Variants in CCSER1 observed in about 807,000 individuals in gnomAD.
CCSER1 encodes coiled-coil serine rich protein 1.
Under a neutral mutation model 82.0 loss-of-function variants are expected in CCSER1, and 41 were observed. That is an observed-to-expected ratio of 0.50 (90% confidence interval 0.39 to 0.65). The LOEUF is 0.65. Among genes scored for constraint, CCSER1 ranks in the 30% least tolerant of loss-of-function variants. The probability of loss-of-function intolerance (pLI) is 0.00; values close to 1 mark genes in which losing one functional copy is unlikely to be tolerated. For synonymous variants in CCSER1, 414 were observed against 383.9 expected, an observed-to-expected ratio of 1.08 and a Z score of -0.92; for missense variants, 1,119 against 1,064.2, an observed-to-expected ratio of 1.05 and a Z score of -0.72.
At position 91,603,041 on chromosome 4, in the gene CCSER1, T is replaced by C. The variant is rs1222390150; in HGVS notation, c.*3984T>C. On this transcript the variant is annotated 3_prime_UTR_variant, in exon 11 of 11. Coordinates refer to ENST00000509176, the MANE Select transcript of CCSER1 (RefSeq NM_001145065.2). ...AGCTTTTTAAAACATGTCTTGTTTCTTTCTCATGTGGTAAATTTATCATGA... is the reference window on the plus strand; with the variant it reads ...AGCTTTTTAAAACATGTCTTGTTTCCTTCTCATGTGGTAAATTTATCATGA... Among the ~76,000 whole-genome samples, 1 of 152,094 alleles carries C rather than the reference T, an allele frequency of 6.6e-6. No individual in the cohort carries two copies. The highest frequency in any genetic ancestry group is 1.5e-5 in the Non-Finnish European group (1 of 67,958).
chr4:91,535,336 A>G (rs573057929), intron 10 of CCSER1, among the ~76,000 whole-genome samples: 1 of 152,160 alleles, frequency 6.6e-6, no homozygotes, highest in South Asian at 2.1e-4. Flanking sequence ...TAATATTTTG[A>G]GAGTTTCCTA....
At chr4:91,003,501 G>T (rs140102607) in intron 9 of CCSER1, among the ~76,000 whole-genome samples, 137 of 152,180 alleles carry the variant, frequency 9.0e-4, no homozygotes, top group Admixed American at 2.1e-3. Flanking sequence ...TCAGGGAAGT[G>T]GGGGAAAGCC....
At chr4:90,320,865 C>T (rs1356372649) in intron 3 of CCSER1, among the ~76,000 whole-genome samples, 2 of 152,124 alleles carry the variant, frequency 1.3e-5, no homozygotes, top group African/African-American at 4.8e-5. Context: ...ATTTAAAGAT[C>T]GGTTTGAGTA....
intron 9 of CCSER1, among the ~76,000 whole-genome samples, chr4:91,001,839 T>C (rs146941044): frequency 2.0e-3 from 305 of 152,308 alleles, no homozygotes; most frequent in Middle Eastern, 6.8e-3. Flanking sequence ...ATTGTATTTT[T>C]GTTTTATAGG....
At chr4:91,177,705 C>T (rs1733548168) in intron 10 of CCSER1, among the ~76,000 whole-genome samples, 1 of 152,214 alleles carries the variant, frequency 6.6e-6, no homozygotes, top group Middle Eastern at 3.4e-3. Flanking sequence ...TGATTCTTCT[C>T]TCTTTTCTTC....
intron 5 of CCSER1, among the ~76,000 whole-genome samples, chr4:90,565,590 A>G (rs1338498854): frequency 6.6e-6 from 1 of 152,170 alleles, no homozygotes. Context: ...CCTTGTTCTA[A>G]TGTCAGTGGA....
At chr4:90,759,641 T>A (rs1181725435) in intron 7 of CCSER1, among the ~76,000 whole-genome samples, 1 of 152,150 alleles carries the variant, frequency 6.6e-6, no homozygotes, top group Non-Finnish European at 1.5e-5. Flanking sequence ...CCCAATCAGC[T>A]CTTGTAAGCT....
chr4:91,307,262 A>T (rs1052664129), intron 10 of CCSER1, among the ~76,000 whole-genome samples: 4 of 151,942 alleles, frequency 2.6e-5, no homozygotes, highest in Non-Finnish European at 4.4e-5. Flanking sequence ...TTATGAAACA[A>T]TAAAAAAAAG....
At chr4:90,617,890 T>A (rs890545887) in intron 5 of CCSER1, among the ~76,000 whole-genome samples, 2 of 152,168 alleles carry the variant, frequency 1.3e-5, no homozygotes, top group African/African-American at 4.8e-5. Context: ...AGTTCTATTG[T>A]ATATAATTAT....
At chr4:90,277,214 A>G (rs555002956) in intron 1 of CCSER1, among the ~76,000 whole-genome samples, 2 of 152,276 alleles carry the variant, frequency 1.3e-5, no homozygotes, top group African/African-American at 4.8e-5. Context: ...GAGAATTAAT[A>G]TAGTTAAAAT....
chr4:90,442,779 AAAC>A (rs1487589956), intron 4 of CCSER1, among the ~76,000 whole-genome samples: 1 of 152,214 alleles, frequency 6.6e-6, no homozygotes, highest in Non-Finnish European at 1.5e-5. Context: ...TTCCAGAAGC[AAAC>A]AGTGAATTAT....
intron 5 of CCSER1, among the ~76,000 whole-genome samples, chr4:90,555,081 T>G (rs1370393205): frequency 6.6e-6 from 1 of 152,162 alleles, no homozygotes; most frequent in African/African-American, 2.4e-5. Flanking sequence ...TGTAATGCAT[T>G]TTTTGCTCAA....
chr4:90,432,331 A>G (rs1435092359), intron 4 of CCSER1, among the ~76,000 whole-genome samples: 1 of 152,126 alleles, frequency 6.6e-6, no homozygotes, highest in Non-Finnish European at 1.5e-5. Flanking sequence ...ACCTGCATGT[A>G]TGGTTTTCTG....
At chr4:91,157,953 T>C (rs905187784) in intron 10 of CCSER1, among the ~76,000 whole-genome samples, 4 of 152,042 alleles carry the variant, frequency 2.6e-5, no homozygotes, top group Admixed American at 6.5e-5. Context: ...TCTACATGGA[T>C]TTGTACTAAA....
chr4:90,831,724 A>AT (rs1194146177), intron 8 of CCSER1, among the ~76,000 whole-genome samples: 2 of 151,962 alleles, frequency 1.3e-5, no homozygotes, highest in Non-Finnish European at 2.9e-5. Flanking sequence ...CTTGCATATC[A>AT]TTTTTTTTCC....
intron 10 of CCSER1, among the ~76,000 whole-genome samples, chr4:91,531,382 G>T (rs1761020289): frequency 6.6e-6 from 1 of 152,088 alleles, no homozygotes; most frequent in East Asian, 1.9e-4. Flanking sequence ...CACTGGAAGT[G>T]GCCTATCTTG....
intron 10 of CCSER1, among the ~76,000 whole-genome samples, chr4:91,350,040 C>G (rs1748367067): frequency 6.6e-6 from 1 of 152,026 alleles, no homozygotes; most frequent in Non-Finnish European, 1.5e-5. Context: ...TCTGTTTTTT[C>G]ATTGTAGTGA....
At chr4:90,872,646 T>C (rs1284789287) in intron 8 of CCSER1, among the ~76,000 whole-genome samples, 1 of 152,040 alleles carries the variant, frequency 6.6e-6, no homozygotes, top group Non-Finnish European at 1.5e-5. Context: ...ATCAGTAGTA[T>C]ACATCCCAGA....
At chr4:90,286,547 A>T (rs1468690498) in intron 1 of CCSER1, among the ~76,000 whole-genome samples, 1 of 152,040 alleles carries the variant, frequency 6.6e-6, no homozygotes, top group African/African-American at 2.4e-5. Context: ...ATAAATAAAA[A>T]AATGACTTGA....
Sources: allele counts gnomAD v4.1 joint callset (sites outside exome capture counted in the v4.1 genomes callset), GRCh38; gene constraint gnomAD v4.1.1; transcripts MANE v1.5; gene names NCBI Gene and HGNC (gene_info 2026-07-23, HGNC 2026-07-21).